RABGAP1L: variants seen among roughly 807,000 people sequenced by gnomAD.
The protein encoded by RABGAP1L is RAB GTPase activating protein 1 like.
A neutral mutation model predicts 137.7 loss-of-function variants in RABGAP1L; 63 were observed. That is an observed-to-expected ratio of 0.46 (90% CI 0.37 to 0.56). The LOEUF (loss-of-function observed/expected upper bound fraction) is 0.56, where lower values mean the gene tolerates loss of function less well. Among genes scored for constraint, RABGAP1L ranks in the 20% least tolerant of loss-of-function variants. The probability of loss-of-function intolerance (pLI) is 0.00; values close to 1 mark genes in which losing one functional copy is unlikely to be tolerated. For missense variants in RABGAP1L, 1,095 were observed against 1,244.0 expected, an observed-to-expected ratio of 0.88 and a Z score of 1.80; for synonymous variants, 431 against 433.7, an observed-to-expected ratio of 0.99 and a Z score of 0.08.
intron 19 of RABGAP1L, among the ~76,000 whole-genome samples, chr1:174,904,581 T>C (rs1165770603): frequency 6.6e-6 from 1 of 152,220 alleles, no homozygotes; most frequent in African/African-American, 2.4e-5. Context: ...CCAAAGGAGA[T>C]GCCACATAAA....
At chr1:174,714,230 C>A (rs550077054) in intron 17 of RABGAP1L, among the ~76,000 whole-genome samples, 1 of 152,184 alleles carries the variant, frequency 6.6e-6, no homozygotes, top group African/African-American at 2.4e-5. Flanking sequence ...ACTCACTCTA[C>A]CTTGCTAGCT....
chr1:174,790,497 A>G (rs926926673), intron 18 of RABGAP1L, among the ~76,000 whole-genome samples: 1 of 151,620 alleles, frequency 6.6e-6, no homozygotes. Flanking sequence ...ATGGCTGGCT[A>G]TTTTTGAATG....
At chr1:174,370,728 C>T (rs1010025302) in intron 11 of RABGAP1L, among the ~76,000 whole-genome samples, 2 of 120,218 alleles carry the variant, frequency 1.7e-5, no homozygotes, top group African/African-American at 9.8e-5. Context: ...TTGGATACAG[C>T]TATTTATTTA....
intron 18 of RABGAP1L, among the ~76,000 whole-genome samples, chr1:174,787,486 C>G (rs1044463235): frequency 2.0e-5 from 3 of 150,832 alleles, no homozygotes; most frequent in Admixed American, 6.6e-5. Flanking sequence ...ATGTTTTAGG[C>G]AACAAGAACA....
chr1:174,341,728 CTTTG>C (rs919985171), intron 11 of RABGAP1L, among the ~76,000 whole-genome samples: 4 of 152,014 alleles, frequency 2.6e-5, no homozygotes, highest in African/African-American at 9.7e-5. Context: ...TCATTCTTAT[CTTTG>C]TTTTTCAAGG....
At chr1:174,305,887 G>T (rs1188711876) in intron 11 of RABGAP1L, among the ~76,000 whole-genome samples, 1 of 151,980 alleles carries the variant, frequency 6.6e-6, no homozygotes, top group Non-Finnish European at 1.5e-5. Context: ...TTTATATTAG[G>T]TATCTCTCCT....
At chr1:174,492,083 T>C (rs1660292832) in intron 13 of RABGAP1L, among the ~76,000 whole-genome samples, 1 of 152,152 alleles carries the variant, frequency 6.6e-6, no homozygotes, top group Non-Finnish European at 1.5e-5. Flanking sequence ...AGGTGCTTTT[T>C]TGGTGTAGTT....
At chr1:174,702,073 A>G (rs767714934) in intron 16 of RABGAP1L, 40 bp from the exon 17 acceptor site, 9 of 1,586,036 alleles carry the variant, frequency 5.7e-6, no homozygotes, top group Non-Finnish European at 6.9e-6. Flanking sequence ...TTCTGCTGCA[A>G]GCTTCTCATT....
intron 13 of RABGAP1L, among the ~76,000 whole-genome samples, chr1:174,441,056 AT>A (rs1289714920): frequency 2.7e-5 from 4 of 149,200 alleles, no homozygotes; most frequent in African/African-American, 7.3e-5. Flanking sequence ...TAAAAGTATT[AT>A]ATATATATAT....
intron 19 of RABGAP1L, among the ~76,000 whole-genome samples, chr1:174,881,814 T>C (rs1654275367): frequency 6.6e-6 from 1 of 152,094 alleles, no homozygotes; most frequent in African/African-American, 2.4e-5. Context: ...TTGCTTTTAA[T>C]TCCATGTTGA....
chr1:174,530,565 T>A (rs931347392), intron 13 of RABGAP1L, among the ~76,000 whole-genome samples: 3 of 152,162 alleles, frequency 2.0e-5, no homozygotes, highest in Non-Finnish European at 4.4e-5. Context: ...CTGAGGATCT[T>A]TCAATTACCT....
chr1:174,834,610 C>A (rs141808388), intron 19 of RABGAP1L, among the ~76,000 whole-genome samples: 3 of 149,354 alleles, frequency 2.0e-5, no homozygotes, highest in Non-Finnish European at 3.0e-5. Flanking sequence ...CCCGCCCCCC[C>A]CGCCGCCCCC....
intron 13 of RABGAP1L, among the ~76,000 whole-genome samples, chr1:174,519,277 C>T (rs184673161): frequency 4.6e-5 from 7 of 151,902 alleles, no homozygotes; most frequent in Admixed American, 4.6e-4. Flanking sequence ...CTTACATGAT[C>T]ACAAGTTCCC....
intron 19 of RABGAP1L, among the ~76,000 whole-genome samples, chr1:174,928,389 G>A (rs902727452): frequency 1.5e-4 from 23 of 151,634 alleles, no homozygotes; most frequent in African/African-American, 5.3e-4. Context: ...CTTGTATCTA[G>A]TATCTTGAAG....
intron 3 of RABGAP1L, among the ~76,000 whole-genome samples, chr1:174,225,844 A>G (rs1670130893): frequency 6.6e-6 from 1 of 152,156 alleles, no homozygotes; most frequent in Non-Finnish European, 1.5e-5. Context: ...TGGTGAGAGA[A>G]AAGAGAGGGA....
At chr1:174,251,192 A>G (rs1439422111) in intron 6 of RABGAP1L, among the ~76,000 whole-genome samples, 1 of 152,214 alleles carries the variant, frequency 6.6e-6, no homozygotes, top group Admixed American at 6.5e-5. Flanking sequence ...CGATCTTGTC[A>G]GCCACAGTCA....
At chr1:174,330,765 C>T (rs1299825752) in intron 11 of RABGAP1L, among the ~76,000 whole-genome samples, 2 of 151,932 alleles carry the variant, frequency 1.3e-5, no homozygotes, top group African/African-American at 4.8e-5. Flanking sequence ...CTATACTACC[C>T]AAAGCAATCT....
At position 174,911,021 on chromosome 1, in the gene RABGAP1L, T is replaced by C. The variant is rs1021645753; in HGVS notation, c.2341-46436T>C. On this transcript the variant is annotated intron_variant, in intron 19 of 25. Coordinates refer to ENST00000681986, the MANE Select transcript of RABGAP1L (RefSeq NM_001366446.1). ...TGTGTAAAGTGGCATCTCATTGTGA[T>C]TCTGATTGCATTTCCTTAATGACTA... is the stretch of plus-strand genomic sequence containing the variant. 6.8e-4 allele frequency among the ~76,000 whole-genome samples: 104 copies of C among 152,352 alleles called. 1 individual carries two copies. Among genetic ancestry groups the C allele is most frequent in the African/African-American group, 2.3e-3 (96 of 41,594 alleles).
chr1:174,380,642 T>C (rs1686047882), intron 12 of RABGAP1L, among the ~76,000 whole-genome samples: 1 of 151,940 alleles, frequency 6.6e-6, no homozygotes, highest in Non-Finnish European at 1.5e-5. Context: ...ATATCCCCTT[T>C]ATCATTTTTT....
Sources: gnomAD v4.1 joint callset for allele counts (sites outside exome capture counted in the v4.1 genomes callset) on GRCh38, gnomAD v4.1.1 for gene constraint, MANE v1.5 for transcripts, NCBI Gene and HGNC (gene_info 2026-07-23, HGNC 2026-07-21) for gene names.